Variants in PIN4 observed in about 807,000 individuals in gnomAD.
PIN4 encodes peptidyl-prolyl cis-trans isomerase NIMA-interacting 4.
A neutral mutation model predicts 8.3 loss-of-function variants in PIN4; 3 were observed. The observed-to-expected ratio is 0.36, with a 90% CI of 0.16 to 0.93. PIN4 has a LOEUF of 0.93. Among genes scored for constraint, PIN4 ranks in the 40% least tolerant of loss-of-function variants. The pLI, the probability that PIN4 is intolerant of heterozygous loss-of-function variation, is 0.44. For missense variants in PIN4, 75 were observed against 100.6 expected (o/e 0.75, Z 1.09); for synonymous variants, 18 against 32.5 (o/e 0.55, Z 1.52).
At chrX:72,191,173 C>T (rs960196583) in intron 2 of PIN4, among the ~76,000 whole-genome samples, 20 of 105,231 alleles carry the variant, frequency 1.9e-4, no homozygotes, top group Non-Finnish European at 2.5e-4. Context: ...ACATCAGATT[C>T]GCCTAAAAAA....
chrX:72,231,866 C>T (rs188000846), intron 3 of PIN4, among the ~76,000 whole-genome samples: 81 of 111,743 alleles, frequency 7.2e-4, no homozygotes, highest in Non-Finnish European at 1.2e-3. Flanking sequence ...ACAATGTATA[C>T]GTGCATTGAA....
chrX:72,205,522 C>T, intron 3 of PIN4: 2 of 1,211,609 alleles, frequency 1.7e-6, no homozygotes, highest in Non-Finnish European at 2.2e-6. Context: ...CTTATTTACA[C>T]TACTGGGTAT....
rs2042674317 is a variant in PIN4, at chrX:72,181,801, A to G, written c.16A>G (p.Lys6Glu). The G allele has an allele frequency of 1.3e-5, 15 of 1,184,465 alleles. No homozygotes were observed. The highest frequency in any genetic ancestry group is 1.7e-5 in the African/African-American group (1 of 57,527). Residue 6 changes from lysine to glutamate, a missense_variant, in exon 1 of 4, where the codon AAA becomes GAA. By Grantham distance (56) the Lys-to-Glu change is moderately conservative. Coordinates refer to ENST00000373669, the MANE Select transcript of PIN4 (RefSeq NM_006223.4). Reference sequence around the variant, plus strand: ...AGCTTCCAAGATGCCGCCCAAAGGAAAAAGTGGTTCTGGAAAAGCGGGGAA... The same window carrying G: ...AGCTTCCAAGATGCCGCCCAAAGGAGAAAGTGGTTCTGGAAAAGCGGGGAA... MPPKG[K>E]SGSGKAGKGG...
chrX:72,203,381 AC>A (rs1838193397), intron 3 of PIN4, among the ~76,000 whole-genome samples: 1 of 111,785 alleles, frequency 8.9e-6, no homozygotes, highest in Non-Finnish European at 1.9e-5. Flanking sequence ...GGTCATGGGA[AC>A]CCCTAATTTG....
At chrX:72,251,142 G>A (rs1376228443) in intron 3 of PIN4, among the ~76,000 whole-genome samples, 2 of 105,120 alleles carry the variant, frequency 1.9e-5, no homozygotes, top group Admixed American at 1.0e-4. Flanking sequence ...CGGATCACAA[G>A]GTCAGGAGAT....
intron 2 of PIN4, among the ~76,000 whole-genome samples, chrX:72,193,552 A>T (rs987792480): frequency 5.5e-5 from 6 of 108,544 alleles, no homozygotes; most frequent in South Asian, 3.9e-4. Context: ...TTTAAAAATT[A>T]AAAAAAAAAA....
intron 2 of PIN4, among the ~76,000 whole-genome samples, chrX:72,196,031 A>G (rs1281778223): frequency 9.0e-6 from 1 of 110,859 alleles, no homozygotes; most frequent in Non-Finnish European, 1.9e-5. Flanking sequence ...AGGCAAGAGA[A>G]TTGCTTGAAC....
chrX:72,239,892 A>G (rs1310208497), intron 3 of PIN4, among the ~76,000 whole-genome samples: 1 of 109,595 alleles, frequency 9.1e-6, no homozygotes, highest in South Asian at 3.9e-4. Context: ...AGCCTGGGCA[A>G]CATGGTGAGA....
At chrX:72,185,635 A>G (rs1190318966) in intron 1 of PIN4, among the ~76,000 whole-genome samples, 2 of 112,435 alleles carry the variant, frequency 1.8e-5, no homozygotes, top group African/African-American at 6.5e-5. Context: ...ATTCTTAGGA[A>G]CATCAGCCTC....
intron 3 of PIN4, chrX:72,207,194 G>C (rs1329575694): frequency 6.6e-6 from 8 of 1,211,095 alleles, no homozygotes; most frequent in Non-Finnish European, 6.7e-6. Context: ...TCTTTATTTT[G>C]CTGGAATAAG....
intron 3 of PIN4, chrX:72,205,006 T>C: frequency 8.6e-7 from 1 of 1,163,734 alleles, no homozygotes; most frequent in South Asian, 2.0e-5. Flanking sequence ...AATAAACAGG[T>C]TACATTCTCA....
At chrX:72,223,635 C>T (rs1374293113) in intron 3 of PIN4, among the ~76,000 whole-genome samples, 1 of 110,990 alleles carries the variant, frequency 9.0e-6, no homozygotes, top group African/African-American at 3.3e-5. Context: ...GTGATCCACC[C>T]GCCTTGGCCT....
downstream of PIN4, chrX:72,198,493 C>T (rs1299382344): frequency 6.9e-6 from 1 of 145,765 alleles, no homozygotes; most frequent in Non-Finnish European, 1.2e-5. Flanking sequence ...GGTTATGCCT[C>T]CATGAGATTT....
rs1193237409 is a variant in PIN4, at chrX:72,197,979, C to T, written c.*453C>T. 1.3e-6 allele frequency: 1 copy of T among 755,580 alleles called. No homozygotes were observed. Among genetic ancestry groups the T allele is most frequent in the Non-Finnish European group, 1.6e-6 (1 of 639,446 alleles). The allele number at this position is 755,580 out of a possible 1,213,427, so 62.3% of individuals were successfully genotyped here. A position where few individuals can be genotyped will look rare whatever the true frequency, so the allele number is the denominator to read the frequency against. On this transcript the variant is annotated 3_prime_UTR_variant, in exon 4 of 4. Coordinates refer to ENST00000373669, the MANE Select transcript of PIN4 (RefSeq NM_006223.4). ...GTTTTACATGTTAGTCAACTCTGAT[C>T]TTCCAGGACAGGTGGTATTAGCTCC...
intron 3 of PIN4, among the ~76,000 whole-genome samples, chrX:72,212,606 T>C (rs899961915): frequency 2.7e-5 from 3 of 111,982 alleles, no homozygotes; most frequent in African/African-American, 6.5e-5. Context: ...TTCCTTGCTA[T>C]GGAGGGCCCT....
chrX:72,198,633 G>A (rs1329861262), downstream of PIN4: 1 of 112,419 alleles, frequency 8.9e-6, no homozygotes, highest in Admixed American at 9.5e-5. Context: ...AGGATCACTT[G>A]AGCCCAGGAG....
chrX:72,229,234 T>A (rs2042969769), intron 3 of PIN4, among the ~76,000 whole-genome samples: 1 of 111,194 alleles, frequency 9.0e-6, no homozygotes, highest in Non-Finnish European at 1.9e-5. Flanking sequence ...AACCGTACTA[T>A]CATTATTAAA....
chrX:72,211,539 G>A (rs1482595716), intron 3 of PIN4, among the ~76,000 whole-genome samples: 3 of 111,727 alleles, frequency 2.7e-5, no homozygotes, highest in African/African-American at 9.8e-5. Context: ...CCCCAAACAC[G>A]TGAGGATTAC....
At chrX:72,239,542 G>A (rs900462303) in intron 3 of PIN4, among the ~76,000 whole-genome samples, 7 of 111,649 alleles carry the variant, frequency 6.3e-5, no homozygotes, top group African/African-American at 2.3e-4. Context: ...AGACCGGGGC[G>A]GGCGGATCAC....
Sources: allele counts gnomAD v4.1 joint callset (sites outside exome capture counted in the v4.1 genomes callset), GRCh38; gene constraint gnomAD v4.1.1; transcripts MANE v1.5; gene names NCBI Gene and HGNC (gene_info 2026-07-23, HGNC 2026-07-21).